Variants in ZC3H18 observed in about 807,000 individuals in gnomAD.
The protein encoded by ZC3H18 is zinc finger CCCH domain-containing protein 18.
Under a neutral mutation model 106.1 loss-of-function variants are expected in ZC3H18, and 8 were observed. That is an observed-to-expected ratio of 0.08 (90% CI 0.04 to 0.14). The LOEUF (loss-of-function observed/expected upper bound fraction) is 0.14, where lower values mean the gene tolerates loss of function less well. Ranked by LOEUF, ZC3H18 falls within the 10% of genes least tolerant of loss-of-function variation. The pLI is 1.00. For synonymous variants in ZC3H18, 635 were observed against 522.1 expected (o/e 1.22, Z -2.95); for missense variants, 1,318 against 1,278.4 (o/e 1.03, Z -0.47).
chr16:88,585,368 G>A (rs184788148), intron 2 of ZC3H18, among the ~76,000 whole-genome samples: 5 of 152,292 alleles, frequency 3.3e-5, no homozygotes, highest in African/African-American at 1.2e-4. Context: ...AGATAATTAC[G>A]GACTGTTTAC....
At chr16:88,571,438 C>T (rs1197310562) in intron 1 of ZC3H18, among the ~76,000 whole-genome samples, 4 of 152,174 alleles carry the variant, frequency 2.6e-5, no homozygotes, top group East Asian at 3.9e-4. Flanking sequence ...TAGTCCTTTC[C>T]CGTTCAGTAG....
At chr16:88,607,973 C>T (rs1183691400) in intron 6 of ZC3H18, among the ~76,000 whole-genome samples, 5 of 152,146 alleles carry the variant, frequency 3.3e-5, no homozygotes, top group Admixed American at 1.3e-4. Flanking sequence ...ATTGTAAATG[C>T]GGTTTTCTCC....
chr16:88,586,960 G>A (rs561394995), intron 3 of ZC3H18, among the ~76,000 whole-genome samples: 1 of 152,296 alleles, frequency 6.6e-6, no homozygotes, highest in South Asian at 2.1e-4. Context: ...CCTTCCGATC[G>A]CAGCAGACCC....
chr16:88,573,623 G>A (rs1248308282), intron 1 of ZC3H18, among the ~76,000 whole-genome samples: 1 of 151,836 alleles, frequency 6.6e-6, no homozygotes, highest in Non-Finnish European at 1.5e-5. Flanking sequence ...TGTTATCTAG[G>A]CTGGACTCGA....
At chr16:88,615,632 C>T (rs1023214741) in intron 8 of ZC3H18, among the ~76,000 whole-genome samples, 1 of 152,192 alleles carries the variant, frequency 6.6e-6, no homozygotes, top group African/African-American at 2.4e-5. Context: ...GGGGTTTTCA[C>T]GCCACCCAGA....
chr16:88,595,295 G>GC (rs11464791), intron 3 of ZC3H18, among the ~76,000 whole-genome samples: 2,575 of 152,332 alleles, frequency 0.017, 74 homozygotes, highest in African/African-American at 0.059. Flanking sequence ...CCCCGCTCCA[G>GC]CGGCCTCTGT....
At chr16:88,585,351 A>G (rs960259336) in intron 2 of ZC3H18, among the ~76,000 whole-genome samples, 1 of 152,236 alleles carries the variant, frequency 6.6e-6, no homozygotes, top group African/African-American at 2.4e-5. Flanking sequence ...GCATTTTTTC[A>G]TTCAACAGAT....
chr16:88,621,508 C>A (rs977175005), intron 8 of ZC3H18, among the ~76,000 whole-genome samples: 1 of 151,860 alleles, frequency 6.6e-6, no homozygotes, highest in African/African-American at 2.4e-5. Context: ...ACAGGTGAGC[C>A]ACCGCAGCCG....
At chr16:88,628,510 G>A (rs921177777) in intron 15 of ZC3H18, 6 of 556,172 alleles carry the variant, frequency 1.1e-5, no homozygotes, top group Admixed American at 3.1e-5. Flanking sequence ...TCCTAGAGTG[G>A]CCCCCGTGGG....
chr16:88,595,183 A>C (rs1229123960), intron 3 of ZC3H18, among the ~76,000 whole-genome samples: 5 of 152,162 alleles, frequency 3.3e-5, no homozygotes, highest in Non-Finnish European at 7.4e-5. Context: ...AAGAAAAACC[A>C]GTTGCTGCTG....
chr16:88,572,978 C>T (rs925628162), intron 1 of ZC3H18, among the ~76,000 whole-genome samples: 2 of 151,964 alleles, frequency 1.3e-5, no homozygotes, highest in Non-Finnish European at 2.9e-5. Flanking sequence ...AAGGTGATCT[C>T]GAACTCCCAA....
intron 1 of ZC3H18, among the ~76,000 whole-genome samples, chr16:88,574,667 ATT>A (rs35816940): frequency 0.047 from 3,765 of 79,658 alleles, 74 homozygotes; most frequent in Middle Eastern, 0.069. Flanking sequence ...CACCCAGCTA[ATT>A]TTTTTTTTTT....
rs2142821919 is a variant in ZC3H18 at position 88,625,255 on chromosome 16, G to C, written c.2096G>C (p.Ser699Thr). 2 of 1,591,662 alleles carry C rather than the reference G, an allele frequency of 1.3e-6. No homozygotes were observed. The highest frequency in any genetic ancestry group is 4.6e-5 in the East Asian group (2 of 43,616). Reference protein sequence around the residue: ...SGSGSSYSGSSSRSRSLSVSS... With the variant: ...SGSGSSYSGSTSRSRSLSVSS... ...AGTGGTAGCAGCTATAGTGGTTCCA[G>C]CTCCCGATCCAGGTCATCCCCATCA... The change falls in exon 13 of 18, where the codon AGC (serine) becomes ACC (threonine). Residue 699 changes from serine (S) to threonine (T), a missense_variant. By Grantham distance (58) the Ser-to-Thr change is moderately conservative (BLOSUM62 1). Coordinates refer to ENST00000301011, the MANE Select transcript of ZC3H18 (RefSeq NM_144604.4).
chr16:88,619,621 G>A (rs1905836756), intron 8 of ZC3H18, among the ~76,000 whole-genome samples: 1 of 152,224 alleles, frequency 6.6e-6, no homozygotes, highest in South Asian at 2.1e-4. Flanking sequence ...CCCTGAGATT[G>A]TGGAGGCCTG....
chr16:88,601,190 A>G (rs1438424227), intron 6 of ZC3H18, among the ~76,000 whole-genome samples: 2 of 152,248 alleles, frequency 1.3e-5, no homozygotes, highest in Admixed American at 1.3e-4. Flanking sequence ...ATAGGTATTT[A>G]AAGACTTGGT....
At chr16:88,578,191 TA>T (rs1914881648) in intron 2 of ZC3H18, among the ~76,000 whole-genome samples, 1 of 152,204 alleles carries the variant, frequency 6.6e-6, no homozygotes, top group Non-Finnish European at 1.5e-5. Flanking sequence ...TAGGCATTTT[TA>T]TGCTGGTCCT....
Position 88,611,295 on chromosome 16 carries a change from A to G in ZC3H18, c.1234A>G (p.Asn412Asp). Residue 412 changes from asparagine (N) to aspartate (D), a missense_variant, in exon 8 of 18, where the codon AAC becomes GAC. By Grantham distance (23) the Asn-to-Asp change is conservative (BLOSUM62 1). Transcript: ENST00000301011. ...AAGGGAGCGGGAGCGAGAGAGAGAG[A>G]ACAGACAGCGCGAGCGCGAGCGGGA... ...RERERERERE[N>D]RQRERERERE... 1.3e-6 allele frequency: 1 copy of G among 775,270 alleles called. No individual in the cohort carries two copies. Among genetic ancestry groups the G allele is most frequent in the Non-Finnish European group, 2.4e-6 (1 of 417,242 alleles). The allele number at this position is 775,270 out of a possible 1,614,324, so 48.0% of individuals were successfully genotyped here.
chr16:88,629,074 C>A (rs937595156), intron 16 of ZC3H18, among the ~76,000 whole-genome samples: 2 of 152,262 alleles, frequency 1.3e-5, no homozygotes, highest in Admixed American at 1.3e-4. Context: ...CGTGGTGGCT[C>A]ACGCCTATAA....
In ZC3H18 at chr16:88,611,478, GAGA is replaced by G. The variant is rs1440339035; in HGVS notation, c.1420_1422del (p.Lys474del). 5.8e-6 allele frequency: 9 copies of G among 1,550,420 alleles called. No individual in the cohort carries two copies. Among genetic ancestry groups the G allele is most frequent in the Admixed American group, 3.9e-5 (2 of 50,988 alleles). On this transcript the variant is annotated inframe_deletion, in exon 8 of 18. Coordinates refer to ENST00000301011, the MANE Select transcript of ZC3H18 (RefSeq NM_144604.4). ...CCGGCAGCACCGTGACCGCGACCGG[GAGA>G]AGGAGCGGGAGAAGGAGAAGGGGAA... is the stretch of plus-strand genomic sequence containing the variant.
Sources: gnomAD v4.1 joint callset for allele counts (sites outside exome capture counted in the v4.1 genomes callset) on GRCh38, gnomAD v4.1.1 for gene constraint, MANE v1.5 for transcripts, NCBI Gene and HGNC (gene_info 2026-07-23, HGNC 2026-07-21) for gene names.